The following PDE8B variants were observed in gnomAD, a reference collection of about 807,000 sequenced individuals.
The protein encoded by PDE8B is phosphodiesterase 8B.
Under a neutral mutation model 101.3 loss-of-function variants are expected in PDE8B, and 26 were observed. The observed-to-expected ratio is 0.26, with a 90% CI of 0.19 to 0.36. The LOEUF (loss-of-function observed/expected upper bound fraction) is 0.36, where lower values mean the gene tolerates loss of function less well. Ranked by LOEUF, PDE8B falls within the 10% of genes least tolerant of loss-of-function variation. The probability of loss-of-function intolerance (pLI) is 1.00; values close to 1 mark genes in which losing one functional copy is unlikely to be tolerated. For synonymous variants in PDE8B, 424 were observed against 429.3 expected (o/e 0.99, Z 0.15); for missense variants, 810 against 1,163.1 (o/e 0.70, Z 4.42).
chr5:77,275,817 A>T (rs1444571085), intron 1 of PDE8B, among the ~76,000 whole-genome samples: 1 of 152,232 alleles, frequency 6.6e-6, no homozygotes, highest in Non-Finnish European at 1.5e-5. Context: ...TCAAATGAAG[A>T]AAAAGATATC....
the PDE8B span, among the ~76,000 whole-genome samples, chr5:77,131,657 A>C: frequency 2.0e-5 from 3 of 152,252 alleles, no homozygotes; most frequent in African/African-American, 7.2e-5. Flanking sequence ...TTCTTTAAGC[A>C]AAAGAATAAA....
At chr5:77,181,005 C>T in the PDE8B span, among the ~76,000 whole-genome samples, 2 of 141,106 alleles carry the variant, frequency 1.4e-5, no homozygotes, top group East Asian at 3.9e-4. Flanking sequence ...TGTGTGTTTG[C>T]GCGCGCACCT....
intron 10 of PDE8B, among the ~76,000 whole-genome samples, chr5:77,391,636 C>T (rs926472162): frequency 2.0e-5 from 3 of 152,232 alleles, no homozygotes; most frequent in African/African-American, 4.8e-5. Context: ...TGTGCATGTG[C>T]ACCTGCTGGC....
At chr5:77,318,355 A>G (rs182563924) in intron 2 of PDE8B, among the ~76,000 whole-genome samples, 50 of 152,254 alleles carry the variant, frequency 3.3e-4, no homozygotes, top group Non-Finnish European at 6.3e-4. Flanking sequence ...GTTGTTAAGA[A>G]TTTTCATCTA....
rs1767204413 is a variant in PDE8B, at chr5:77,291,024, C to T, written c.340-20970C>T. The T allele has an allele frequency of 1.9e-6, 3 of 1,612,008 alleles. No homozygotes were observed. In the South Asian group the frequency reaches 3.3e-5, roughly 18 times the overall value. ...CACCGGGAGCACTCAGGTGGGAAAA[C>T]AGATGGCCCTGATGGTGCAGGAGAG... On this transcript the variant is annotated intron_variant, in intron 1 of 21. Coordinates refer to ENST00000264917, the MANE Select transcript of PDE8B (RefSeq NM_003719.5).
At chr5:77,304,316 A>G (rs564300557) in intron 1 of PDE8B, among the ~76,000 whole-genome samples, 67 of 152,306 alleles carry the variant, frequency 4.4e-4, no homozygotes, top group African/African-American at 1.5e-3. Flanking sequence ...ATCTCTTCAT[A>G]CTTATATTTC....
chr5:77,290,402 CA>C, intron 1 of PDE8B: 1 of 1,395,080 alleles, frequency 7.2e-7, no homozygotes, highest in Non-Finnish European at 1.0e-6. Context: ...GCTCTGCTAA[CA>C]ACTAGCCAAT....
the PDE8B span, among the ~76,000 whole-genome samples, chr5:77,137,657 C>G: frequency 6.6e-6 from 1 of 152,192 alleles, no homozygotes. Context: ...CAGAAAAAGG[C>G]TCCCTACGGA....
the PDE8B span, among the ~76,000 whole-genome samples, chr5:77,102,407 A>T: frequency 6.6e-6 from 1 of 152,200 alleles, no homozygotes; most frequent in Non-Finnish European, 1.5e-5. Context: ...CACAGCCTCC[A>T]ATTTAGTTTG....
chr5:77,395,156 A>C (rs377636005), intron 10 of PDE8B, among the ~76,000 whole-genome samples: 1 of 151,418 alleles, frequency 6.6e-6, no homozygotes, highest in Non-Finnish European at 1.5e-5. Flanking sequence ...TCACTCTGTC[A>C]CCCAGGCTGG....
the PDE8B span, among the ~76,000 whole-genome samples, chr5:77,164,385 A>G: frequency 6.6e-6 from 1 of 152,204 alleles, no homozygotes; most frequent in Non-Finnish European, 1.5e-5. Context: ...TATAAAATAT[A>G]AAACACTAAG....
At chr5:77,225,881 C>CA (rs397813784) in intron 1 of PDE8B, among the ~76,000 whole-genome samples, 2 of 102,284 alleles carry the variant, frequency 2.0e-5, no homozygotes, top group East Asian at 4.0e-4. Context: ...CACACACACA[C>CA]CCCACGCACA....
chr5:77,096,792 A>T, the PDE8B span, among the ~76,000 whole-genome samples: 39 of 152,298 alleles, frequency 2.6e-4, 1 homozygote, highest in South Asian at 8.1e-3. Context: ...CTGGGTGTCT[A>T]TGTCCAAATT....
At chr5:77,095,662 TG>T in the PDE8B span, among the ~76,000 whole-genome samples, 1 of 152,320 alleles carries the variant, frequency 6.6e-6, no homozygotes, top group South Asian at 2.1e-4. Flanking sequence ...TCGACATAGA[TG>T]GCCTACCGTG....
the PDE8B span, among the ~76,000 whole-genome samples, chr5:77,186,620 T>C: frequency 6.6e-6 from 1 of 152,144 alleles, no homozygotes; most frequent in Non-Finnish European, 1.5e-5. Flanking sequence ...TTATCTGTCT[T>C]GATTATTGCA....
chr5:77,389,271 A>G (rs1303955549), intron 10 of PDE8B, among the ~76,000 whole-genome samples: 1 of 152,156 alleles, frequency 6.6e-6, no homozygotes, highest in Non-Finnish European at 1.5e-5. Flanking sequence ...CTGGGCCGGA[A>G]TGTACCATTC....
At chr5:77,194,893 A>G in the PDE8B span, among the ~76,000 whole-genome samples, 1 of 152,198 alleles carries the variant, frequency 6.6e-6, no homozygotes, top group Non-Finnish European at 1.5e-5. Context: ...TAGTGCTGCT[A>G]TTAAACATTT....
rs1798439712 is a variant in PDE8B, at chr5:77,427,958, A to T, written c.*1404A>T. On this transcript the variant is annotated 3_prime_UTR_variant, in exon 22 of 22. Coordinates refer to ENST00000264917, the MANE Select transcript of PDE8B (RefSeq NM_003719.5). ...AATGCAGAATACTTGGAACTTGTAC[A>T]TGGGGAAAAAATGACTTATCACTAC... 3 of 152,220 alleles carry T rather than the reference A, an allele frequency of 2.0e-5. No individual in the cohort carries two copies. The South Asian group carries it at 6.2e-4, about 31-fold the overall frequency. 9.4% of individuals were successfully genotyped at this position (152,220 alleles called of 1,614,324 possible). A position where few individuals can be genotyped will look rare whatever the true frequency, so the allele number is the denominator to read the frequency against.
intron 1 of PDE8B, among the ~76,000 whole-genome samples, chr5:77,235,206 T>A (rs1754415288): frequency 6.6e-6 from 1 of 152,158 alleles, no homozygotes; most frequent in Non-Finnish European, 1.5e-5. Flanking sequence ...CTGTTGGTTG[T>A]GATTTGTGTG....
Sources: gnomAD v4.1 joint callset for allele counts (sites outside exome capture counted in the v4.1 genomes callset) on GRCh38, gnomAD v4.1.1 for gene constraint, MANE v1.5 for transcripts, NCBI Gene and HGNC (gene_info 2026-07-23, HGNC 2026-07-21) for gene names.